COMP: variants seen among roughly 807,000 people sequenced by gnomAD.
The protein encoded by COMP is cartilage oligomeric matrix protein (pseudoachondroplasia, epiphyseal dysplasia 1, multiple).
Under a neutral mutation model 95.8 loss-of-function variants are expected in COMP, and 79 were observed. The observed-to-expected ratio is 0.82, with a 90% CI of 0.69 to 0.99. The LOEUF (loss-of-function observed/expected upper bound fraction) is 0.99, where lower values mean the gene tolerates loss of function less well. COMP is among the 50% of genes least tolerant of loss of function. The probability of loss-of-function intolerance (pLI) is 0.00; values close to 1 mark genes in which losing one functional copy is unlikely to be tolerated. For synonymous variants in COMP, 438 were observed against 433.9 expected, an observed-to-expected ratio of 1.01 and a Z score of -0.12; for missense variants, 906 against 1,076.1, an observed-to-expected ratio of 0.84 and a Z score of 2.21.
At position 18,790,118 on chromosome 19, in the gene COMP, CGGG is replaced by C; in HGVS notation, c.218-7_218-5del. Reference sequence around the variant, plus strand: ...GTGCGTACTGACTGCTGCATCCCTGCGGGGGGGAGGGGGGAGAAGCGGCGGGGC... The same window carrying C: ...GTGCGTACTGACTGCTGCATCCCTGCGGGGAGGGGGGAGAAGCGGCGGGGC... On this transcript the variant is annotated splice_polypyrimidine_tract_variant and splice_region_variant and intron_variant, in intron 3 of 18. Transcript: ENST00000222271. The C allele has an allele frequency of 6.8e-7, 1 of 1,478,174 alleles. No homozygotes were observed. The allele number at this position is 1,478,174 out of a possible 1,614,324, so 91.6% of individuals were successfully genotyped here. A position where few individuals can be genotyped will look rare whatever the true frequency, so the allele number is the denominator to read the frequency against.
chr19:18,785,642 C>G, intron 14 of COMP, 31 bp downstream of exon 14: 1 of 1,613,540 alleles, frequency 6.2e-7, no homozygotes, highest in Non-Finnish European at 8.5e-7. Flanking sequence ...TTCTAGGGTC[C>G]CATCACCCCC....
intron 11 of COMP, 26 bp downstream of exon 11, chr19:18,786,506 C>A (rs771841538): frequency 1.3e-5 from 21 of 1,601,512 alleles, no homozygotes; most frequent in Admixed American, 1.7e-5. Context: ...GAGGGCTTAC[C>A]CAGCTGGAGT....
In COMP at chr19:18,786,048, T is replaced by A. The variant is rs766950514; in HGVS notation, c.1406A>T (p.Asp469Val). The A allele has an allele frequency of 1.5e-5, 25 of 1,613,810 alleles. No homozygotes were observed. The East Asian group carries it at 5.3e-4, about 35-fold the overall frequency. ...GACTCCGTCATTGTCGTCGTCGTCGTCGCAGGCATCACCCTGGCCATCGTG... is the reference window on the plus strand; with the variant it reads ...GACTCCGTCATTGTCGTCGTCGTCGACGCAGGCATCACCCTGGCCATCGTG... Reference protein sequence around the residue: ...SDHDGQGDACDDDDDNDGVPD... With the variant: ...SDHDGQGDACVDDDDNDGVPD... Residue 469 changes from aspartate (D) to valine (V), a missense_variant, in exon 13 of 19, where the codon GAC becomes GTC. Asp to Val is a radical substitution (Grantham distance 152). Coordinates refer to ENST00000222271, the MANE Select transcript of COMP (RefSeq NM_000095.3).
Position 18,787,614 on chromosome 19 carries a change from T to C in COMP, c.1012A>G (p.Asn338Asp), listed in dbSNP as rs1161184296. 13 of 1,613,894 alleles carry C rather than the reference T, an allele frequency of 8.1e-6. No homozygotes were observed. Among genetic ancestry groups the C allele is most frequent in the Non-Finnish European group, 1.1e-5 (13 of 1,180,044 alleles). ...TCGCCCCACTTGTCCTCGTCCGTGT[T>C]GCGCTGGTCTGGGTTCCGCACCAGC... Reference protein sequence around the residue: ...CPLVRNPDQRNTDEDKWGDAC... With the variant: ...CPLVRNPDQRDTDEDKWGDAC... The change falls in exon 10 of 19, where the codon AAC (asparagine) becomes GAC (aspartate). Residue 338 changes from asparagine to aspartate, a missense_variant. By Grantham distance (23) the Asn-to-Asp change is conservative. Transcript: ENST00000222271.
chr19:18,790,076 G>T lies in COMP; in HGVS notation c.256C>A (p.Arg86=). The T allele has an allele frequency of 1.3e-6, 2 of 1,546,070 alleles. No homozygotes were observed. The highest frequency in any genetic ancestry group is 8.7e-7 in the Non-Finnish European group (1 of 1,150,068). Residue 86 remains arginine (R), a synonymous_variant, in exon 4 of 19, where the codon CGG becomes AGG. Coordinates refer to ENST00000222271, the MANE Select transcript of COMP (RefSeq NM_000095.3). Reference sequence around the variant, plus strand: ...CCGGGCGCGCAGTGGAGCAGGGGCCGCACGCTGGGTAGGCCGGTGCGTACT... The same window carrying T: ...CCGGGCGCGCAGTGGAGCAGGGGCCTCACGCTGGGTAGGCCGGTGCGTACT... ...QSVRTGLPSV[R]PLLHCAPGFC... is the part of the protein sequence containing the mutation.
In COMP at chr19:18,787,530, C is replaced by G. The variant is rs1359283758; in HGVS notation, c.1096G>C (p.Gly366Arg). The G allele has an allele frequency of 5.6e-6, 9 of 1,613,480 alleles. No individual in the cohort carries two copies. Among genetic ancestry groups the G allele is most frequent in the Non-Finnish European group, 7.6e-6 (9 of 1,179,952 alleles). The change falls in exon 10 of 19, where the codon GGC becomes CGC. Residue 366 changes from glycine to arginine, a missense_variant. Gly to Arg is a moderately radical substitution (Grantham distance 125). Coordinates refer to ENST00000222271, the MANE Select transcript of COMP (RefSeq NM_000095.3). ...TCGTCGTCGCACGCATCGCCCCGGC[C>G]GTCCTGGTCTGTGTCCTTTTGGTCG... ...NDDQKDTDQD[G>R]RGDACDDDID...
At position 18,786,104 on chromosome 19, in the gene COMP, C is replaced by G. The variant is rs1386972140; in HGVS notation, c.1350G>C (p.Thr450=). The change falls in exon 13 of 19, where the codon ACG becomes ACC. Residue 450 remains threonine (T), a synonymous_variant. Coordinates refer to ENST00000222271, the MANE Select transcript of COMP (RefSeq NM_000095.3). The part of the protein sequence containing the change: ...GHQDSRDNCP[T]VPNSAQEDSD... ...AGTCCTCCTGGGCACTGTTAGGCAC[C>G]GTGGGACAGTTGTCCCGAGAGTCCT... 3.1e-6 allele frequency: 5 copies of G among 1,614,154 alleles called. No individual in the cohort carries two copies. The highest frequency in any genetic ancestry group is 4.2e-6 in the Non-Finnish European group (5 of 1,180,052).
Position 18,784,914 on chromosome 19 carries a change from C to T in COMP, c.1896G>A (p.Glu632=), listed in dbSNP as rs1160974567. 6.2e-7 allele frequency: 1 copy of T among 1,613,914 alleles called. No individual in the cohort carries two copies. The highest frequency in any genetic ancestry group is 8.5e-7 in the Non-Finnish European group (1 of 1,179,972). The part of the protein sequence containing the change: ...WQANPFRAVA[E]PGIQLKAVKS... ...CTGGCACCTTGAGTTGGATGCCAGGCTCGGCCACAGCACGGAAGGGGTTCG... is the reference window on the plus strand; with the variant it reads ...CTGGCACCTTGAGTTGGATGCCAGGTTCGGCCACAGCACGGAAGGGGTTCG... Residue 632 remains glutamate, a synonymous_variant, in exon 16 of 19, where the codon GAG becomes GAA. Transcript: ENST00000222271. This position sits in a 1 kb window ranked among gnomAD's most constrained non-coding sequence, Gnocchi z 4.9.
Position 18,785,551 on chromosome 19 carries a change from T to TG in COMP, c.1669-6dup, listed in dbSNP as rs1189076656. 1 of 1,613,926 alleles carries TG rather than the reference T, an allele frequency of 6.2e-7. No homozygotes were observed. Among genetic ancestry groups the TG allele is most frequent in the Non-Finnish European group, 8.5e-7 (1 of 1,180,036 alleles). On this transcript the variant is annotated splice_region_variant and splice_polypyrimidine_tract_variant and intron_variant, in intron 14 of 18. Coordinates refer to ENST00000222271, the MANE Select transcript of COMP (RefSeq NM_000095.3). ...TGTCTGCACGATCTCCCTTCCCTGA[T>TG]GGGGTCAAAGAAAGGAGGGCCTCAG...
intron 17 of COMP, 24 bp from the exon 18 acceptor site, chr19:18,783,217 C>A: frequency 6.2e-7 from 1 of 1,603,742 alleles, no homozygotes. Flanking sequence ...ATGGTGAGGC[C>A]TGGGGGACCT....
chr19:18,788,538 C>A lies in COMP; in HGVS notation c.763-24G>T. 1 of 1,569,356 alleles carries A rather than the reference C, an allele frequency of 6.4e-7. No individual in the cohort carries two copies. The highest frequency in any genetic ancestry group is 1.2e-5 in the South Asian group (1 of 86,400). On this transcript the variant is annotated intron_variant, in intron 7 of 18. Coordinates refer to ENST00000222271, the MANE Select transcript of COMP (RefSeq NM_000095.3). The surrounding 1 kb of genome is among the most constrained non-coding windows in gnomAD (Gnocchi z 4.7). ...CACTGTGGGAGAGTGTAAGTGGGTG[C>A]CCTGGAGTGGCCGCCACCCAACCCC...
At chr19:18,783,487 G>A (rs1390005509) in intron 17 of COMP, among the ~76,000 whole-genome samples, 1 of 152,222 alleles carries the variant, frequency 6.6e-6, no homozygotes. Context: ...GTCCTGGCCA[G>A]GGTCTCGCTC....
Position 18,784,253 on chromosome 19 carries a change from A to C in COMP, c.2025T>G (p.Gly675=). 6.2e-7 allele frequency: 1 copy of C among 1,613,920 alleles called. No individual in the cohort carries two copies. The highest frequency in any genetic ancestry group is 8.5e-7 in the Non-Finnish European group (1 of 1,179,986). ...RLLWKDPRNV[G]WKDKKSYRWF... ...AACGATAGGACTTCTTGTCCTTCCA[A>C]CCCACGTTTCGCGGGTCCTTCCACA... The change falls in exon 17 of 19, where the codon GGT becomes GGG. Residue 675 remains glycine, a synonymous_variant. Transcript: ENST00000222271. This position sits in a 1 kb window ranked among gnomAD's most constrained non-coding sequence, Gnocchi z 4.9.
chr19:18,787,740 C>T, intron 9 of COMP, 90 bp from the exon 10 acceptor site: 2 of 1,571,074 alleles, frequency 1.3e-6, no homozygotes, highest in African/African-American at 2.7e-5. Context: ...GACGCGTCTC[C>T]TCCTCAAGGA....
At position 18,784,231 on chromosome 19, in the gene COMP, G is replaced by C; in HGVS notation, c.2047C>G (p.Arg683Gly). The change falls in exon 17 of 19, where the codon CGT becomes GGT. Residue 683 changes from arginine (R) to glycine (G), a missense_variant. Coordinates refer to ENST00000222271, the MANE Select transcript of COMP (RefSeq NM_000095.3). This position sits in a 1 kb window ranked among gnomAD's most constrained non-coding sequence, Gnocchi z 4.9. The stretch of plus-strand genomic sequence containing the variant: ...TGGGGCCGGTGCTGCAGGAACCAAC[G>C]ATAGGACTTCTTGTCCTTCCAACCC... ...NVGWKDKKSY[R>G]WFLQHRPQVG... 4 of 1,614,030 alleles carry C rather than the reference G, an allele frequency of 2.5e-6. No homozygotes were observed. The highest frequency in any genetic ancestry group is 3.4e-6 in the Non-Finnish European group (4 of 1,180,030).
At chr19:18,790,266 C>T (rs961261741) in intron 3 of COMP, 152 bp from the exon 4 acceptor site, 1 of 688,556 alleles carries the variant, frequency 1.5e-6, no homozygotes, top group Non-Finnish European at 2.4e-6. Context: ...TCCGCGATCC[C>T]GCCCCAGAGG....
In COMP at chr19:18,789,286, G is replaced by T; in HGVS notation, c.402C>A (p.His134Gln). 1 of 1,496,966 alleles carries T rather than the reference G, an allele frequency of 6.7e-7. No homozygotes were observed. Among genetic ancestry groups the T allele is most frequent in the African/African-American group, 1.4e-5 (1 of 71,198 alleles). The allele number at this position is 1,496,966 out of a possible 1,614,324, so 92.7% of individuals were successfully genotyped here. A position where few individuals can be genotyped will look rare whatever the true frequency, so the allele number is the denominator to read the frequency against. ...HCTDVNECNA[H>Q]PCFPRVRCIN... ...TACAGCGGACTCGGGGGAAGCAGGG[G>T]TGGGCGTTGCACTGGGGGAGGAGGG... Residue 134 changes from histidine to glutamine, a missense_variant, in exon 5 of 19, where the codon CAC (histidine) becomes CAA (glutamine). Coordinates refer to ENST00000222271, the MANE Select transcript of COMP (RefSeq NM_000095.3). The surrounding 1 kb of genome is among the most constrained non-coding windows in gnomAD (Gnocchi z 6.1).
chr19:18,787,345 C>A, intron 10 of COMP, 146 bp downstream of exon 10: 1 of 1,161,916 alleles, frequency 8.6e-7, no homozygotes, highest in Non-Finnish European at 1.2e-6. Context: ...ATTTTTCTGG[C>A]GCCCCACCAT....
rs1411906545 is a variant in COMP, at chr19:18,786,038, G to A, written c.1416C>T (p.Asp472=). 1.9e-6 allele frequency: 3 copies of A among 1,613,610 alleles called. No individual in the cohort carries two copies. Among genetic ancestry groups the A allele is most frequent in the African/African-American group, 2.7e-5 (2 of 74,898 alleles). Residue 472 remains aspartate (D), a synonymous_variant, in exon 13 of 19, where the codon GAC becomes GAT. Transcript: ENST00000222271. The stretch of plus-strand genomic sequence containing the variant: ...GACTGTCAGGGACTCCGTCATTGTC[G>A]TCGTCGTCGTCGCAGGCATCACCCT... The part of the protein sequence containing the change: ...DGQGDACDDD[D]DNDGVPDSRD...
Sources: gnomAD v4.1 joint callset for allele counts (sites outside exome capture counted in the v4.1 genomes callset) on GRCh38, gnomAD v4.1.1 for gene constraint, Gnocchi (gnomAD v3.1) non-coding constraint, MANE v1.5 for transcripts, NCBI Gene and HGNC (gene_info 2026-07-23, HGNC 2026-07-21) for gene names.